PUM2: variants seen among roughly 807,000 people sequenced by gnomAD.
PUM2 encodes pumilio RNA binding family member 2.
PUM2 carries 57 observed loss-of-function variants against 124.5 expected under a neutral mutation model. The observed-to-expected ratio is 0.46, with a 90% confidence interval of 0.37 to 0.57. The LOEUF (loss-of-function observed/expected upper bound fraction) is 0.57. Ranked by LOEUF, PUM2 falls within the 20% of genes least tolerant of loss-of-function variation. The pLI is 0.00. For synonymous variants in PUM2, 460 were observed against 446.1 expected (o/e 1.03, Z -0.39); for missense variants, 1,065 against 1,290.6 (o/e 0.83, Z 2.68).
At chr2:20,339,288 G>C (rs1381599991) in intron 1 of PUM2, among the ~76,000 whole-genome samples, 1 of 151,806 alleles carries the variant, frequency 6.6e-6, no homozygotes, top group Non-Finnish European at 1.5e-5. Context: ...GATTGAGGTG[G>C]CAAGAATCAC....
intron 20 of PUM2, 39 bp from the exon 21 acceptor site, chr2:20,251,755 T>C: frequency 6.3e-7 from 1 of 1,598,876 alleles, no homozygotes; most frequent in Non-Finnish European, 8.6e-7. Flanking sequence ...TCTAAGTCAT[T>C]TTAGTTTCTG....
chr2:20,292,301 T>G (rs570804517), intron 9 of PUM2, among the ~76,000 whole-genome samples: 1 of 151,560 alleles, frequency 6.6e-6, no homozygotes, highest in African/African-American at 2.4e-5. Context: ...TGGTAGTTTT[T>G]TTTTTTTTTT....
chr2:20,252,576 G>C (rs1334871990), intron 20 of PUM2, among the ~76,000 whole-genome samples: 1 of 152,152 alleles, frequency 6.6e-6, no homozygotes, highest in South Asian at 2.1e-4. Context: ...AATTCATTAA[G>C]ATCAAGAGTA....
At chr2:20,349,755 G>A (rs1451782086) in intron 1 of PUM2, among the ~76,000 whole-genome samples, 3 of 152,080 alleles carry the variant, frequency 2.0e-5, no homozygotes, top group Admixed American at 1.3e-4. Context: ...CATCTGCCCC[G>A]TTTTCTCAAC....
chr2:20,284,767 C>T (rs1246276614), intron 10 of PUM2, among the ~76,000 whole-genome samples: 1 of 152,170 alleles, frequency 6.6e-6, no homozygotes, highest in East Asian at 1.9e-4. Flanking sequence ...ATTTTATTGC[C>T]TTTAAACACA....
intron 14 of PUM2, among the ~76,000 whole-genome samples, chr2:20,261,744 T>TA (rs1558490306): frequency 6.6e-6 from 1 of 152,090 alleles, no homozygotes; most frequent in Non-Finnish European, 1.5e-5. Context: ...ACAAAAAGTT[T>TA]AAAAAATCTG....
intron 10 of PUM2, among the ~76,000 whole-genome samples, chr2:20,285,284 G>A (rs1388387460): frequency 6.6e-6 from 1 of 152,182 alleles, no homozygotes; most frequent in Non-Finnish European, 1.5e-5. Context: ...TATATGGTCT[G>A]CCCTTGCTCT....
chr2:20,293,288 AT>A (rs1265277115), intron 9 of PUM2, among the ~76,000 whole-genome samples: 2 of 152,242 alleles, frequency 1.3e-5, no homozygotes, highest in Non-Finnish European at 2.9e-5. Flanking sequence ...AGGTGTGTAT[AT>A]TTTAAGCTAA....
At chr2:20,307,622 A>C (rs957578042) in intron 7 of PUM2, among the ~76,000 whole-genome samples, 3 of 152,210 alleles carry the variant, frequency 2.0e-5, no homozygotes, top group African/African-American at 7.2e-5. Context: ...AAGACCAAAT[A>C]ACTTCATGGA....
At chr2:20,340,748 G>C (rs1032843466) in intron 1 of PUM2, among the ~76,000 whole-genome samples, 4 of 152,102 alleles carry the variant, frequency 2.6e-5, no homozygotes, top group Admixed American at 2.6e-4. Context: ...AAACACCCTA[G>C]AAGTTTCCCA....
rs1367486471 is a variant in PUM2 at position 20,251,711 on chromosome 2, T to A, written c.3069A>T (p.Arg1023=). ...ATTTGCGCAAAGTAGTAATGTGAGG[T>A]CGAATCTGAAAAACAAATAATCTGC... ...AQRKIIMHKI[R]PHITTLRKYT... Residue 1023 remains arginine (R), a synonymous_variant, in exon 21 of 21, where the codon CGA becomes CGT. Coordinates refer to ENST00000361078, the MANE Select transcript of PUM2 (RefSeq NM_015317.5). The A allele has an allele frequency of 1.2e-6, 2 of 1,611,608 alleles. No homozygotes were observed. The highest frequency in any genetic ancestry group is 1.1e-5 in the South Asian group (1 of 90,258).
At position 20,256,455 on chromosome 2, in the gene PUM2, T is replaced by C. The variant is rs1292840213; in HGVS notation, c.2485-285A>G. ...GTAAATGATGTATGTTGAAACAACG[T>C]AGTGATGCTGAACTTGCTGTATTTA... On this transcript the variant is annotated intron_variant, in intron 16 of 20. Transcript: ENST00000361078. Among the ~76,000 whole-genome samples, 4 of 152,186 alleles carry C rather than the reference T, an allele frequency of 2.6e-5. No homozygotes were observed. The South Asian group carries it at 6.2e-4, about 24-fold the overall frequency.
At chr2:20,334,163 T>G (rs1341578204) in intron 1 of PUM2, among the ~76,000 whole-genome samples, 1 of 152,006 alleles carries the variant, frequency 6.6e-6, no homozygotes, top group Non-Finnish European at 1.5e-5. Flanking sequence ...TTTTAAAAAA[T>G]TAGCCAGGCA....
chr2:20,334,427 G>C (rs891780903), intron 1 of PUM2, among the ~76,000 whole-genome samples: 2 of 152,058 alleles, frequency 1.3e-5, no homozygotes, highest in African/African-American at 4.8e-5. Context: ...ACAATAAATG[G>C]TATTAAAGCA....
Position 20,278,632 on chromosome 2 carries a change from C to T in PUM2, c.1908G>A (p.Thr636=), listed in dbSNP as rs756018312. The T allele has an allele frequency of 4.3e-6, 7 of 1,613,132 alleles. No homozygotes were observed. The highest frequency in any genetic ancestry group is 3.3e-5 in the South Asian group (3 of 91,052). Residue 636 remains threonine (T), a synonymous_variant, in exon 13 of 21, where the codon ACG becomes ACA. Coordinates refer to ENST00000361078, the MANE Select transcript of PUM2 (RefSeq NM_015317.5). The part of the protein sequence containing the change: ...LPSQTPGHSL[T]PPPSLSSHGS... ...CATGTGATGAAAGTGATGGCGGTGG[C>T]GTAAGTGAATGTCCTGGAGTTTGGC...
intron 13 of PUM2, among the ~76,000 whole-genome samples, chr2:20,270,119 T>C (rs963036906): frequency 6.6e-6 from 1 of 152,158 alleles, no homozygotes; most frequent in African/African-American, 2.4e-5. Flanking sequence ...AACCTACCCC[T>C]AACCCCGCAA....
At chr2:20,270,550 A>T (rs1428841322) in intron 13 of PUM2, among the ~76,000 whole-genome samples, 1 of 81,102 alleles carries the variant, frequency 1.2e-5, no homozygotes, top group Admixed American at 1.3e-4. Flanking sequence ...AAAAACAAAT[A>T]AACACACACA....
At chr2:20,338,466 A>G (rs914744997) in intron 1 of PUM2, among the ~76,000 whole-genome samples, 2 of 152,084 alleles carry the variant, frequency 1.3e-5, no homozygotes, top group South Asian at 4.1e-4. Flanking sequence ...AAATCCCACA[A>G]ATTCCTCAAA....
chr2:20,292,508 G>A (rs1423076061), intron 9 of PUM2, among the ~76,000 whole-genome samples: 2 of 152,054 alleles, frequency 1.3e-5, no homozygotes, highest in East Asian at 1.9e-4. Flanking sequence ...GACAACAGGC[G>A]CACGCCACCA....
Sources: allele counts gnomAD v4.1 joint callset (sites outside exome capture counted in the v4.1 genomes callset), GRCh38; gene constraint gnomAD v4.1.1; transcripts MANE v1.5; gene names NCBI Gene and HGNC (gene_info 2026-07-23, HGNC 2026-07-21).